UHMK1: variants seen among roughly 807,000 people sequenced by gnomAD.
UHMK1 encodes the protein U2AF homology motif kinase 1.
UHMK1 carries 18 observed loss-of-function variants against 44.0 expected under a neutral mutation model. The observed-to-expected ratio is 0.41, with a 90% CI of 0.28 to 0.61. UHMK1 has a LOEUF of 0.61. Ranked by LOEUF, UHMK1 falls within the 20% of genes least tolerant of loss-of-function variation. The probability of loss-of-function intolerance (pLI) is 0.31; values close to 1 mark genes in which losing one functional copy is unlikely to be tolerated. For synonymous variants in UHMK1, 231 were observed against 198.5 expected, an observed-to-expected ratio of 1.16 and a Z score of -1.38; for missense variants, 463 against 522.5, an observed-to-expected ratio of 0.89 and a Z score of 1.11.
At chr1:162,519,871 G>T (rs987081162) in intron 7 of UHMK1, among the ~76,000 whole-genome samples, 1 of 152,108 alleles carries the variant, frequency 6.6e-6, no homozygotes, top group Non-Finnish European at 1.5e-5. Flanking sequence ...CCTCTAGGGG[G>T]TGAAGTCATC....
Position 162,528,447 on chromosome 1 carries a change from T to G in UHMK1, c.*5897T>G, listed in dbSNP as rs985925136. 6.6e-5 allele frequency: 10 copies of G among 152,142 alleles called. No homozygotes were observed. Among genetic ancestry groups the G allele is most frequent in the Non-Finnish European group, 8.8e-5 (6 of 67,958 alleles). 9.4% of individuals were successfully genotyped at this position (152,142 alleles called of 1,614,324 possible). A position where few individuals can be genotyped will look rare whatever the true frequency, so the allele number is the denominator to read the frequency against. The stretch of plus-strand genomic sequence containing the variant: ...ATTTTAAGAGTTTGTGAAACCAGAT[T>G]AAATATCTATATTCAGTTTGGCCTA... On this transcript the variant is annotated 3_prime_UTR_variant, in exon 8 of 8. Transcript: ENST00000489294.
Position 162,498,026 on chromosome 1 carries a change from G to T in UHMK1, c.26G>T (p.Gly9Val). The change falls in exon 1 of 8, where the codon GGC becomes GTC. Residue 9 changes from glycine (G) to valine (V), a missense_variant. By Grantham distance (109) the Gly-to-Val change is moderately radical. Coordinates refer to ENST00000489294, the MANE Select transcript of UHMK1 (RefSeq NM_175866.5). MAGSGCAW[G>V]AEPPRFLEAF... is the part of the protein sequence containing the mutation. ...ATGGCGGGATCCGGCTGCGCCTGGG[G>T]CGCGGAGCCGCCGCGTTTTCTGGAG... 1 of 1,596,410 alleles carries T rather than the reference G, an allele frequency of 6.3e-7. No individual in the cohort carries two copies. The highest frequency in any genetic ancestry group is 8.5e-7 in the Non-Finnish European group (1 of 1,170,062).
Position 162,522,465 on chromosome 1 carries a change from G to A in UHMK1, c.1175G>A (p.Arg392Lys). ...SKAAQKLLTGRMFDGKFVVAT... is the reference protein window; with the variant it reads ...SKAAQKLLTGKMFDGKFVVAT... ...GCTGCGCAGAAATTACTGACTGGAA[G>A]GATGTTTGATGGGAAGTTTGTTGTG... Residue 392 changes from arginine (R) to lysine (K), a missense_variant, in exon 8 of 8, where the codon AGG becomes AAG. By Grantham distance (26) the Arg-to-Lys change is conservative. Transcript: ENST00000489294. The A allele has an allele frequency of 1.2e-6, 2 of 1,614,172 alleles. No homozygotes were observed. Among genetic ancestry groups the A allele is most frequent in the Non-Finnish European group, 1.7e-6 (2 of 1,180,028 alleles).
intron 6 of UHMK1, among the ~76,000 whole-genome samples, chr1:162,515,711 T>G (rs1651810106): frequency 6.6e-6 from 1 of 152,214 alleles, no homozygotes. Context: ...CACCTCATTC[T>G]GTCTACTCCT....
At chr1:162,510,086 TC>T (rs1294819870) in intron 4 of UHMK1, among the ~76,000 whole-genome samples, 1 of 122,970 alleles carries the variant, frequency 8.1e-6, no homozygotes, top group Non-Finnish European at 1.8e-5. Context: ...AGCATCTCGG[TC>T]TTCTTTTTTT....
intron 3 of UHMK1, among the ~76,000 whole-genome samples, chr1:162,501,795 A>G (rs563579862): frequency 3.9e-5 from 6 of 152,248 alleles, no homozygotes; most frequent in African/African-American, 1.2e-4. Flanking sequence ...TTTACAGTTA[A>G]AAAATATTTT....
chr1:162,517,757 C>T (rs747029070), intron 6 of UHMK1, among the ~76,000 whole-genome samples: 18 of 151,834 alleles, frequency 1.2e-4, no homozygotes, highest in Non-Finnish European at 1.9e-4. Context: ...TGGTGGTGCA[C>T]GCCTGTAGTC....
At chr1:162,501,926 T>TA (rs34424551) in intron 3 of UHMK1, among the ~76,000 whole-genome samples, 30,463 of 130,150 alleles carry the variant, frequency 0.23, 3,585 homozygotes, top group Admixed American at 0.3. Context: ...CAGTCTCTAG[T>TA]AAAAAAAAAA....
chr1:162,498,245 A>G lies in UHMK1; in HGVS notation c.245A>G (p.Gln82Arg), dbSNP rs199647672. Residue 82 changes from glutamine to arginine, a missense_variant, in exon 1 of 8, where the codon CAG becomes CGG. Physicochemically the swap from Gln to Arg is conservative, Grantham distance 43 (BLOSUM62 1). Transcript: ENST00000489294. ...GFRKERAALE[Q>R]LQGHRNIVTL... ...CGCAAAGAGAGGGCGGCGCTGGAAC[A>G]GTTGCAGGGTCACAGAAACATCGGT... is the stretch of plus-strand genomic sequence containing the variant. 1.9e-6 allele frequency: 3 copies of G among 1,603,110 alleles called. No individual in the cohort carries two copies. The highest frequency in any genetic ancestry group is 2.6e-6 in the Non-Finnish European group (3 of 1,173,790).
intron 4 of UHMK1, among the ~76,000 whole-genome samples, chr1:162,511,782 G>T (rs1651678312): frequency 6.6e-6 from 1 of 152,076 alleles, no homozygotes. Context: ...AGAGATAAGG[G>T]TTTAATTTTA....
intron 3 of UHMK1, 100 bp downstream of exon 3, chr1:162,501,204 C>CT: frequency 8.1e-7 from 1 of 1,228,766 alleles, no homozygotes; most frequent in Non-Finnish European, 1.1e-6. Flanking sequence ...GAGTTTCACT[C>CT]TTTCACCCAG....
At chr1:162,519,019 G>A (rs1651947232) in intron 7 of UHMK1, among the ~76,000 whole-genome samples, 1 of 148,054 alleles carries the variant, frequency 6.8e-6, no homozygotes, top group South Asian at 2.1e-4. Context: ...TTGAGCCACT[G>A]TAAACAGTAA....
At position 162,498,041 on chromosome 1, in the gene UHMK1, G is replaced by T. The variant is rs1415815765; in HGVS notation, c.41G>T (p.Arg14Leu). The T allele has an allele frequency of 6.2e-7, 1 of 1,600,214 alleles. No homozygotes were observed. Among genetic ancestry groups the T allele is most frequent in the Non-Finnish European group, 8.5e-7 (1 of 1,171,908 alleles). ...SGCAWGAEPP[R>L]FLEAFGRLWQ... ...TGCGCCTGGGGCGCGGAGCCGCCGC[G>T]TTTTCTGGAGGCCTTCGGGCGGCTG... is the stretch of plus-strand genomic sequence containing the variant. The change falls in exon 1 of 8, where the codon CGT becomes CTT. Residue 14 changes from arginine (R) to leucine (L), a missense_variant. Coordinates refer to ENST00000489294, the MANE Select transcript of UHMK1 (RefSeq NM_175866.5).
At chr1:162,522,293 T>C in intron 7 of UHMK1, 111 bp from the exon 8 acceptor site, 1 of 1,290,212 alleles carries the variant, frequency 7.8e-7, no homozygotes, top group Non-Finnish European at 1.1e-6. Flanking sequence ...GGAAGCAAAA[T>C]CTGCATTTTA....
chr1:162,497,772 C>G, upstream of UHMK1: 1 of 1,310,962 alleles, frequency 7.6e-7, no homozygotes, highest in Non-Finnish European at 9.7e-7. Flanking sequence ...CTGAGCCCCC[C>G]CTCCTTCGGC....
At position 162,512,480 on chromosome 1, in the gene UHMK1, C is replaced by T. The variant is rs774952991; in HGVS notation, c.849-20C>T. On this transcript the variant is annotated intron_variant, in intron 4 of 7. Coordinates refer to ENST00000489294, the MANE Select transcript of UHMK1 (RefSeq NM_175866.5). ...AAAAGATTCAGCAGAAATGATAAGG[C>T]ACCTATTTTTGTGTTTTAGCATGCT... The T allele has an allele frequency of 8.2e-6, 13 of 1,582,400 alleles. No individual in the cohort carries two copies. The highest frequency in any genetic ancestry group is 1.1e-5 in the Non-Finnish European group (13 of 1,169,234).
intron 4 of UHMK1, among the ~76,000 whole-genome samples, chr1:162,506,227 C>A (rs1284350846): frequency 1.2e-5 from 1 of 85,904 alleles, no homozygotes; most frequent in African/African-American, 5.9e-5. Context: ...ATAATAGCCC[C>A]CCCCCCCCCA....
intron 7 of UHMK1, among the ~76,000 whole-genome samples, chr1:162,518,726 C>T (rs1351681060): frequency 2.6e-5 from 4 of 150,978 alleles, no homozygotes; most frequent in Non-Finnish European, 4.4e-5. Context: ...CAGTGGCTCA[C>T]GCCTATAATC....
chr1:162,502,758 G>A (rs1161404709), intron 3 of UHMK1, among the ~76,000 whole-genome samples: 2 of 152,134 alleles, frequency 1.3e-5, no homozygotes, highest in African/African-American at 2.4e-5. Flanking sequence ...AGCTACTAGG[G>A]TTTGTATCTT....
Sources: allele counts gnomAD v4.1 joint callset (sites outside exome capture counted in the v4.1 genomes callset), GRCh38; gene constraint gnomAD v4.1.1; transcripts MANE v1.5; gene names NCBI Gene and HGNC (gene_info 2026-07-23, HGNC 2026-07-21).